ZNF536: variants seen among roughly 807,000 people sequenced by gnomAD.
ZNF536 encodes the protein zinc finger protein 536.
ZNF536 carries 13 observed loss-of-function variants against 84.5 expected under a neutral mutation model. That is an observed-to-expected ratio of 0.15 (90% CI 0.10 to 0.24). The LOEUF is 0.24. Among genes scored for constraint, ZNF536 ranks in the 10% least tolerant of loss-of-function variants. The pLI is 1.00. For missense variants in ZNF536, 1,536 were observed against 1,747.5 expected, an observed-to-expected ratio of 0.88 and a Z score of 2.16; for synonymous variants, 811 against 742.5, an observed-to-expected ratio of 1.09 and a Z score of -1.50.
At chr19:30,673,404 C>T (rs1490291215) in intron 1 of ZNF536, among the ~76,000 whole-genome samples, 2 of 152,298 alleles carry the variant, frequency 1.3e-5, no homozygotes, top group African/African-American at 4.8e-5. Context: ...GGGAAATCTT[C>T]ATTGCTCCAC....
At chr19:30,567,203 C>A (rs1030816366) in intron 1 of ZNF536, among the ~76,000 whole-genome samples, 1 of 152,234 alleles carries the variant, frequency 6.6e-6, no homozygotes, top group African/African-American at 2.4e-5. Flanking sequence ...GCCCGCCAGG[C>A]TCATGTCAGG....
intron 1 of ZNF536, among the ~76,000 whole-genome samples, chr19:30,377,397 G>C (rs1238493156): frequency 6.6e-6 from 1 of 152,194 alleles, no homozygotes. Context: ...TTACGGGAAA[G>C]AGGTACCGAT....
intron 1 of ZNF536, among the ~76,000 whole-genome samples, chr19:30,428,027 C>T (rs552910762): frequency 6.6e-6 from 1 of 152,334 alleles, no homozygotes; most frequent in Non-Finnish European, 1.5e-5. Context: ...ATTCCCTGCT[C>T]ACATGCCTTT....
intron 2 of ZNF536, among the ~76,000 whole-genome samples, chr19:30,301,542 T>G (rs1263780756): frequency 6.6e-6 from 1 of 152,124 alleles, no homozygotes; most frequent in East Asian, 1.9e-4. Context: ...AAGGATGAGG[T>G]GAGATGTGCT....
At chr19:30,236,140 A>G (rs1180678309) in intron 1 of ZNF536, among the ~76,000 whole-genome samples, 1 of 152,256 alleles carries the variant, frequency 6.6e-6, no homozygotes, top group African/African-American at 2.4e-5. Context: ...GCCGGCATGA[A>G]AGGATTTAAT....
intron 2 of ZNF536, among the ~76,000 whole-genome samples, chr19:30,350,688 A>T (rs928913430): frequency 6.6e-6 from 1 of 152,188 alleles, no homozygotes; most frequent in African/African-American, 2.4e-5. Flanking sequence ...GCAGGAGGAG[A>T]GGGTGGAAAA....
chr19:30,564,692 C>T (rs1377720279), intron 1 of ZNF536, among the ~76,000 whole-genome samples: 1 of 152,194 alleles, frequency 6.6e-6, no homozygotes, highest in African/African-American at 2.4e-5. Flanking sequence ...CCGCCAGTTT[C>T]AGGAGGAAAT....
chr19:30,497,790 T>G (rs912091764), intron 2 of ZNF536, among the ~76,000 whole-genome samples: 11 of 151,634 alleles, frequency 7.3e-5, no homozygotes, highest in African/African-American at 9.7e-5. Flanking sequence ...GAACGTGGGG[T>G]GTGTGTGTGT....
chr19:30,516,137 A>C (rs2044064235), intron 2 of ZNF536, among the ~76,000 whole-genome samples: 1 of 152,158 alleles, frequency 6.6e-6, no homozygotes, highest in Non-Finnish European at 1.5e-5. Context: ...CAGAGAGACA[A>C]GGGCAGAAGG....
chr19:30,282,933 A>G (rs921159384), intron 1 of ZNF536, among the ~76,000 whole-genome samples: 22 of 152,324 alleles, frequency 1.4e-4, no homozygotes, highest in African/African-American at 5.3e-4. Context: ...GTTTACAGAC[A>G]GCAGCTTCCC....
intron 1 of ZNF536, among the ~76,000 whole-genome samples, chr19:30,667,658 G>A (rs2050386418): frequency 7.4e-6 from 1 of 134,440 alleles, no homozygotes; most frequent in African/African-American, 3.0e-5. Context: ...GAGAAGTGAG[G>A]TAATCTCACC....
At position 30,549,512 on chromosome 19, in the gene ZNF536, G is replaced by C. The variant is rs774461935; in HGVS notation, c.3893G>C (p.Cys1298Ser). Residue 1298 changes from cysteine (C) to serine (S), a missense_variant and splice_region_variant, in exon 4 of 5, where the codon TGT becomes TCT. By Grantham distance (112) the Cys-to-Ser change is moderately radical (BLOSUM62 -1). Coordinates refer to ENST00000355537, the MANE Select transcript of ZNF536 (RefSeq NM_014717.3). ...NSGCIKRPDL[C>S]GK is the part of the protein sequence containing the mutation. The stretch of plus-strand genomic sequence containing the variant: ...GGATGTATCAAGAGGCCAGACTTGT[G>C]TGGTAAGTTTTAGAATCCTCTTCCT... 7 of 1,507,500 alleles carry C rather than the reference G, an allele frequency of 4.6e-6. No individual in the cohort carries two copies. Among genetic ancestry groups the C allele is most frequent in the Non-Finnish European group, 6.2e-6 (7 of 1,128,430 alleles). 93.4% of individuals were successfully genotyped at this position (1,507,500 alleles called of 1,614,324 possible).
chr19:30,260,754 A>G (rs2145253626), intron 1 of ZNF536, among the ~76,000 whole-genome samples: 1 of 152,280 alleles, frequency 6.6e-6, no homozygotes, highest in East Asian at 1.9e-4. Context: ...CGAACCTGCA[A>G]AGGCTTCAGC....
chr19:30,611,076 A>C lies in ZNF536; in HGVS notation c.169+61562A>C, dbSNP rs114395919. 4.7e-3 allele frequency among the ~76,000 whole-genome samples: 715 copies of C among 152,252 alleles called. 6 individuals carry two copies. Among genetic ancestry groups the C allele is most frequent in the African/African-American group, 0.016 (681 of 41,548 alleles). On this transcript the variant is annotated intron_variant, in intron 1 of 1. Transcript: ENST00000592773. ...TGTAGACAACTTGTGGAAAATAGGA[A>C]GGTCGTTGTTAGGATAGGGTTAGGA...
At chr19:30,538,595 C>T (rs1013783999) in intron 3 of ZNF536, among the ~76,000 whole-genome samples, 1 of 152,138 alleles carries the variant, frequency 6.6e-6, no homozygotes, top group Non-Finnish European at 1.5e-5. Flanking sequence ...TCTGATGCAC[C>T]CTAAGCTTCA....
intron 2 of ZNF536, among the ~76,000 whole-genome samples, chr19:30,342,430 G>C (rs751922712): frequency 9.2e-5 from 14 of 152,120 alleles, no homozygotes; most frequent in Non-Finnish European, 2.1e-4. Context: ...ATGTGGACTT[G>C]GGGTTGTGGA....
chr19:30,577,934 G>A (rs1348838191), intron 1 of ZNF536, among the ~76,000 whole-genome samples: 1 of 152,210 alleles, frequency 6.6e-6, no homozygotes, highest in Non-Finnish European at 1.5e-5. Flanking sequence ...GGGATGAAGA[G>A]AGTTTCGCAG....
chr19:30,346,086 G>A (rs964999335), intron 2 of ZNF536, among the ~76,000 whole-genome samples: 1 of 152,170 alleles, frequency 6.6e-6, no homozygotes, highest in Admixed American at 6.5e-5. Flanking sequence ...CAGATTCACT[G>A]CCATCGGAAA....
rs1487329392 is a variant in ZNF536, at chr19:30,608,528, G to A, written c.169+59014G>A. On this transcript the variant is annotated intron_variant, in intron 1 of 1. Transcript: ENST00000592773. ...TAATCCTACCTGAAGGTTTTATGAG[G>A]TGCCAGCTCTTTACCCAGCTGTAGG... 3.9e-5 allele frequency among the ~76,000 whole-genome samples: 6 copies of A among 152,132 alleles called. No homozygotes were observed. The East Asian group carries it at 1.2e-3, about 29-fold the overall frequency.
Sources: allele counts gnomAD v4.1 joint callset (sites outside exome capture counted in the v4.1 genomes callset), GRCh38; gene constraint gnomAD v4.1.1; transcripts MANE v1.5; gene names NCBI Gene and HGNC (gene_info 2026-07-23, HGNC 2026-07-21).